The following EXOC4 variants were observed in gnomAD, a reference collection of about 807,000 sequenced individuals.
EXOC4 encodes the protein exocyst complex component 4.
A neutral mutation model predicts 107.2 loss-of-function variants in EXOC4; 71 were observed. The ratio of observed to expected loss-of-function variants is 0.66; its 90% CI spans 0.55 to 0.81. The LOEUF (loss-of-function observed/expected upper bound fraction) is 0.81, where lower values mean the gene tolerates loss of function less well. Among genes scored for constraint, EXOC4 ranks in the 30% least tolerant of loss-of-function variants. The probability of loss-of-function intolerance (pLI) is 0.00; values close to 1 mark genes in which losing one functional copy is unlikely to be tolerated. For synonymous variants in EXOC4, 456 were observed against 441.2 expected (o/e 1.03, Z -0.42); for missense variants, 1,108 against 1,189.6 (o/e 0.93, Z 1.01).
At chr7:133,885,166 T>A (rs1021973962) in intron 11 of EXOC4, among the ~76,000 whole-genome samples, 1 of 151,852 alleles carries the variant, frequency 6.6e-6, no homozygotes, top group African/African-American at 2.4e-5. Flanking sequence ...ATACAAAAAT[T>A]AGCCAGGTGT....
chr7:133,953,633 G>C (rs553601658), intron 14 of EXOC4, among the ~76,000 whole-genome samples: 2 of 152,058 alleles, frequency 1.3e-5, no homozygotes, highest in South Asian at 2.1e-4. Context: ...CCCAGCAACA[G>C]AGAAAGACCC....
intron 13 of EXOC4, among the ~76,000 whole-genome samples, chr7:133,922,630 G>A (rs931500019): frequency 5.3e-5 from 8 of 152,028 alleles, no homozygotes; most frequent in South Asian, 4.2e-4. Context: ...GGTGGATCAC[G>A]AGGTCAGGAG....
chr7:133,633,388 C>T (rs1802634829), intron 10 of EXOC4, among the ~76,000 whole-genome samples: 1 of 152,188 alleles, frequency 6.6e-6, no homozygotes, highest in Non-Finnish European at 1.5e-5. Context: ...TAATTGATTA[C>T]AATAATTATT....
chr7:133,477,124 C>G (rs11771148), intron 8 of EXOC4, among the ~76,000 whole-genome samples: 2 of 151,904 alleles, frequency 1.3e-5, no homozygotes, highest in Admixed American at 6.6e-5. Context: ...CTTGTATTAG[C>G]GTCTGTTTGT....
intron 9 of EXOC4, among the ~76,000 whole-genome samples, chr7:133,544,831 C>CT (rs11330928): frequency 3.5e-4 from 49 of 141,626 alleles, no homozygotes; most frequent in African/African-American, 8.8e-4. Context: ...GTTTCCTTCC[C>CT]TTTTTTTTTT....
intron 9 of EXOC4, chr7:133,480,822 G>A (rs927127480): frequency 2.0e-5 from 3 of 152,102 alleles, no homozygotes; most frequent in Non-Finnish European, 4.4e-5. Flanking sequence ...GGGAGACTGA[G>A]GCAGGCAGAT....
chr7:133,479,762 G>A (rs536408578), intron 8 of EXOC4: 4 of 350,288 alleles, frequency 1.1e-5, no homozygotes, highest in South Asian at 5.2e-5. Context: ...GCTGATGGGG[G>A]TCTGAAAGCA....
At chr7:133,860,485 A>C (rs1798510144) in intron 11 of EXOC4, among the ~76,000 whole-genome samples, 1 of 152,234 alleles carries the variant, frequency 6.6e-6, no homozygotes, top group Non-Finnish European at 1.5e-5. Flanking sequence ...CAGAGATGGC[A>C]GTGTGTGAAA....
At chr7:134,056,850 CA>C (rs1398965099) in intron 17 of EXOC4, among the ~76,000 whole-genome samples, 2 of 152,088 alleles carry the variant, frequency 1.3e-5, no homozygotes, top group Non-Finnish European at 2.9e-5. Flanking sequence ...GTAACTGAGC[CA>C]AGGAGTGTGT....
intron 7 of EXOC4, among the ~76,000 whole-genome samples, chr7:133,412,540 C>T (rs1447893407): frequency 6.6e-6 from 1 of 151,822 alleles, no homozygotes; most frequent in Non-Finnish European, 1.5e-5. Flanking sequence ...CCCAAACCGC[C>T]ATGAAAAATC....
At chr7:134,079,087 G>C in the EXOC4 span, among the ~76,000 whole-genome samples, 1 of 152,174 alleles carries the variant, frequency 6.6e-6, no homozygotes, top group Admixed American at 6.6e-5. Flanking sequence ...TCTGCCATAA[G>C]CAGAGATGGA....
At chr7:133,516,773 A>G (rs866651872) in intron 9 of EXOC4, among the ~76,000 whole-genome samples, 1 of 2,444 alleles carries the variant, frequency 4.1e-4, no homozygotes, top group African/African-American at 1.1e-3. Flanking sequence ...TTTTTTTTTT[A>G]CAGAATTTAT....
intron 11 of EXOC4, among the ~76,000 whole-genome samples, chr7:133,834,040 C>T (rs999391807): frequency 2.0e-5 from 3 of 152,058 alleles, no homozygotes; most frequent in Admixed American, 6.6e-5. Context: ...CACAGTGACC[C>T]CTGCATATTA....
At chr7:133,749,782 A>T (rs1795752931) in intron 10 of EXOC4, among the ~76,000 whole-genome samples, 1 of 152,126 alleles carries the variant, frequency 6.6e-6, no homozygotes, top group South Asian at 2.1e-4. Flanking sequence ...TTTCAATTCA[A>T]GCACTGAGCA....
At chr7:133,538,958 G>GT (rs1800330342) in intron 9 of EXOC4, among the ~76,000 whole-genome samples, 1 of 3,678 alleles carries the variant, frequency 2.7e-4, no homozygotes, top group Non-Finnish European at 1.3e-3. Flanking sequence ...AAATAGCTTG[G>GT]GTTTTTTTTT....
chr7:133,866,167 C>T (rs1798636579), intron 11 of EXOC4, among the ~76,000 whole-genome samples: 1 of 152,086 alleles, frequency 6.6e-6, no homozygotes, highest in Non-Finnish European at 1.5e-5. Flanking sequence ...CTCATTTAAT[C>T]TTTGCAACAA....
rs79434382 is a variant in EXOC4 at position 133,861,252 on chromosome 7, G to A, written c.1735-34347G>A. Among the ~76,000 whole-genome samples, 419 of 152,226 alleles carry A rather than the reference G, an allele frequency of 2.8e-3. 5 individuals carry two copies. In the East Asian group the frequency reaches 0.031, roughly 11 times the overall value. On this transcript the variant is annotated intron_variant, in intron 11 of 17. Coordinates refer to ENST00000253861, the MANE Select transcript of EXOC4 (RefSeq NM_021807.4). ...GAAACAATGGTTCTTAAATTTGGGTGCATGAGAATTGCCTGTGGACCTTGT... is the reference window on the plus strand; with the variant it reads ...GAAACAATGGTTCTTAAATTTGGGTACATGAGAATTGCCTGTGGACCTTGT...
At chr7:133,920,129 A>G (rs959008198) in intron 13 of EXOC4, among the ~76,000 whole-genome samples, 112 of 152,176 alleles carry the variant, frequency 7.4e-4, no homozygotes, top group African/African-American at 2.7e-3. Context: ...CAATTTCCTA[A>G]TGACATGTGA....
At chr7:133,462,009 C>CT (rs1289252165) in intron 7 of EXOC4, among the ~76,000 whole-genome samples, 1 of 152,028 alleles carries the variant, frequency 6.6e-6, no homozygotes, top group Non-Finnish European at 1.5e-5. Context: ...GGCATCATGG[C>CT]TTTTTTACAC....
Sources: gnomAD v4.1 joint callset for allele counts (sites outside exome capture counted in the v4.1 genomes callset) on GRCh38, gnomAD v4.1.1 for gene constraint, MANE v1.5 for transcripts, NCBI Gene and HGNC (gene_info 2026-07-23, HGNC 2026-07-21) for gene names.